Variants in SEMA3A observed in about 807,000 individuals in gnomAD.
The protein encoded by SEMA3A is semaphorin-3A.
Under a neutral mutation model 97.9 loss-of-function variants are expected in SEMA3A, and 29 were observed. The ratio of observed to expected loss-of-function variants is 0.30; its 90% confidence interval spans 0.22 to 0.40. The LOEUF is 0.40. Among genes scored for constraint, SEMA3A ranks in the 10% least tolerant of loss-of-function variants. The probability of loss-of-function intolerance (pLI) is 1.00; values close to 1 mark genes in which losing one functional copy is unlikely to be tolerated. For missense variants in SEMA3A, 763 were observed against 951.3 expected (o/e 0.80, Z 2.60); for synonymous variants, 321 against 323.7 (o/e 0.99, Z 0.09).
Position 84,288,132 on chromosome 7 carries a change from T to C in SEMA3A, c.-83+19075A>G, listed in dbSNP as rs113525175. ...TTAATCTTTTTTTTAATATATATTT[T>C]TTAAGGCAGTGTCTCATTATATTGC... On this transcript the variant is annotated intron_variant, in intron 3 of 3. Transcript: ENST00000424555. 3.3e-5 allele frequency among the ~76,000 whole-genome samples: 5 copies of C among 152,192 alleles called. 1 individual carries two copies. Among genetic ancestry groups the C allele is most frequent in the African/African-American group, 1.2e-4 (5 of 41,540 alleles).
At chr7:84,122,426 C>T (rs1795650517) in intron 3 of SEMA3A, among the ~76,000 whole-genome samples, 1 of 151,894 alleles carries the variant, frequency 6.6e-6, no homozygotes, top group African/African-American at 2.4e-5. Flanking sequence ...TCATAGAGAT[C>T]TTTTTTTAAA....
At chr7:84,376,584 A>T (rs1427172330) in intron 1 of SEMA3A, among the ~76,000 whole-genome samples, 1 of 99,328 alleles carries the variant, frequency 1.0e-5, no homozygotes, top group Non-Finnish European at 2.0e-5. Flanking sequence ...AGCCTGGGCG[A>T]CAGAGCGAGA....
chr7:84,192,198 T>C (rs1798066168), intron 1 of SEMA3A, among the ~76,000 whole-genome samples: 1 of 151,950 alleles, frequency 6.6e-6, no homozygotes, highest in Admixed American at 6.6e-5. Flanking sequence ...TGACATCTAA[T>C]TAAGGAGAAA....
upstream of SEMA3A, chr7:84,195,019 AG>A (rs1450091937): frequency 1.6e-4 from 17 of 108,200 alleles, no homozygotes; most frequent in African/African-American, 4.1e-4. Context: ...AGAGAGAGAG[AG>A]AGAAAGAGAG....
rs144701441 is a variant in SEMA3A, at chr7:83,963,216, G to T, written c.1849C>A (p.Arg617=). The T allele has an allele frequency of 3.4e-5, 55 of 1,612,640 alleles. No homozygotes were observed. The highest frequency in any genetic ancestry group is 3.3e-4 in the Middle Eastern group (2 of 6,084). The stretch of plus-strand genomic sequence containing the variant: ...TTTCATTCCTGTACCTCTTCTTTTC[G>T]CTCTTCATTTCGCCTCTGGAATTGC... ...YWQFQRRNEE[R]KEEIRVDDHI... The change falls in exon 16 of 17, where the codon CGA becomes AGA. Residue 617 remains arginine, a synonymous_variant. Coordinates refer to ENST00000265362, the MANE Select transcript of SEMA3A (RefSeq NM_006080.3).
chr7:84,486,410 A>C (rs1245208574), intron 1 of SEMA3A, among the ~76,000 whole-genome samples: 1 of 152,114 alleles, frequency 6.6e-6, no homozygotes, highest in Non-Finnish European at 1.5e-5. Flanking sequence ...AAAAACAAAT[A>C]CAAAAAAACA....
intron 2 of SEMA3A, among the ~76,000 whole-genome samples, chr7:84,354,123 A>G (rs2116036313): frequency 6.6e-6 from 1 of 151,760 alleles, no homozygotes; most frequent in Admixed American, 6.6e-5. Flanking sequence ...TTAAAGCAAA[A>G]AATATAATGA....
intron 15 of SEMA3A, among the ~76,000 whole-genome samples, chr7:83,973,973 G>C (rs1300458821): frequency 6.6e-6 from 1 of 151,598 alleles, no homozygotes; most frequent in East Asian, 1.9e-4. Context: ...AAGAAAATGG[G>C]AAGTGGTTTA....
chr7:84,415,099 G>A (rs1011128941), intron 1 of SEMA3A, among the ~76,000 whole-genome samples: 3 of 152,104 alleles, frequency 2.0e-5, no homozygotes, highest in Non-Finnish European at 4.4e-5. Flanking sequence ...TATTAAGATA[G>A]TATTGCTGGA....
At chr7:84,226,746 G>A (rs182335460) in intron 3 of SEMA3A, among the ~76,000 whole-genome samples, 1 of 152,070 alleles carries the variant, frequency 6.6e-6, no homozygotes, top group African/African-American at 2.4e-5. Flanking sequence ...TCACTCCACA[G>A]TAACCAATAT....
At chr7:84,487,974 T>C (rs1289683335) in intron 1 of SEMA3A, among the ~76,000 whole-genome samples, 2 of 152,128 alleles carry the variant, frequency 1.3e-5, no homozygotes, top group African/African-American at 4.8e-5. Context: ...ATTCCATTTG[T>C]CTTGCGTAAG....
At chr7:84,145,422 A>G (rs1343854022) in intron 1 of SEMA3A, among the ~76,000 whole-genome samples, 3 of 152,196 alleles carry the variant, frequency 2.0e-5, no homozygotes, top group African/African-American at 4.8e-5. Flanking sequence ...TATTTTTTTA[A>G]TGCAACAAAA....
intron 1 of SEMA3A, among the ~76,000 whole-genome samples, chr7:84,437,430 A>T (rs1246490894): frequency 6.7e-6 from 1 of 149,828 alleles, no homozygotes; most frequent in East Asian, 2.3e-4. Flanking sequence ...TGTTATTAAG[A>T]TAGTCTTAAT....
chr7:84,396,540 G>A (rs1803737810), intron 1 of SEMA3A, among the ~76,000 whole-genome samples: 1 of 151,774 alleles, frequency 6.6e-6, no homozygotes, highest in African/African-American at 2.4e-5. Flanking sequence ...TATATTGAAA[G>A]AAAATACCTT....
At chr7:84,455,068 A>T (rs1262241772) in intron 1 of SEMA3A, among the ~76,000 whole-genome samples, 1 of 152,006 alleles carries the variant, frequency 6.6e-6, no homozygotes, top group African/African-American at 2.4e-5. Flanking sequence ...TAATTATTAC[A>T]AATTAAGTAG....
In SEMA3A at chr7:83,961,316, C is replaced by A. The variant is rs1032593465; in HGVS notation, c.*55G>T. On this transcript the variant is annotated 3_prime_UTR_variant, in exon 17 of 17. Transcript: ENST00000265362. Reference sequence around the variant, plus strand: ...TTCATGTATATTGCATTTGTTTTTCCAGTTATTGTCTAGGCAAGTTTCTAC... The same window carrying A: ...TTCATGTATATTGCATTTGTTTTTCAAGTTATTGTCTAGGCAAGTTTCTAC... 7.1e-7 allele frequency: 1 copy of A among 1,409,058 alleles called. No individual in the cohort carries two copies. Among genetic ancestry groups the A allele is most frequent in the Non-Finnish European group, 1.0e-6 (1 of 1,000,210 alleles). The allele number at this position is 1,409,058 out of a possible 1,614,324, so 87.3% of individuals were successfully genotyped here.
At chr7:84,477,555 T>C (rs544237623) in intron 1 of SEMA3A, among the ~76,000 whole-genome samples, 5 of 151,858 alleles carry the variant, frequency 3.3e-5, no homozygotes, top group East Asian at 1.9e-4. Flanking sequence ...TCTGAAAAGA[T>C]AGAAATTTAC....
chr7:84,094,802 G>A (rs146272439), intron 4 of SEMA3A, among the ~76,000 whole-genome samples: 5 of 152,144 alleles, frequency 3.3e-5, no homozygotes, highest in African/African-American at 1.2e-4. Context: ...AGTATTTGCT[G>A]TAGTTGAGAG....
At chr7:84,170,974 A>G (rs114533430) in intron 1 of SEMA3A, among the ~76,000 whole-genome samples, 2 of 152,186 alleles carry the variant, frequency 1.3e-5, no homozygotes, top group African/African-American at 4.8e-5. Context: ...AATAATCCCA[A>G]TATGGTTGGG....
Sources: allele counts gnomAD v4.1 joint callset (sites outside exome capture counted in the v4.1 genomes callset), GRCh38; gene constraint gnomAD v4.1.1; transcripts MANE v1.5; gene names NCBI Gene and HGNC (gene_info 2026-07-23, HGNC 2026-07-21).